The following LMX1B variants were observed in gnomAD, a reference collection of about 807,000 sequenced individuals.
LMX1B encodes the protein LIM homeobox transcription factor 1 beta, also known as LIM homeobox transcription factor 1-beta.
LMX1B carries 12 observed loss-of-function variants against 51.4 expected under a neutral mutation model. That is an observed-to-expected ratio of 0.23 (90% CI 0.15 to 0.38). The LOEUF is 0.38. Ranked by LOEUF, LMX1B falls within the 10% of genes least tolerant of loss-of-function variation. The pLI is 1.00. For synonymous variants in LMX1B, 237 were observed against 235.4 expected (o/e 1.01, Z -0.06); for missense variants, 445 against 571.1 (o/e 0.78, Z 2.25).
intron 2 of LMX1B, among the ~76,000 whole-genome samples, chr9:126,639,666 G>GC (rs1385228551): frequency 6.6e-6 from 1 of 152,178 alleles, no homozygotes; most frequent in African/African-American, 2.4e-5. Flanking sequence ...GTCTCCCCTG[G>GC]CCCTGCCTGT....
At chr9:126,634,603 C>A (rs10117942) in intron 2 of LMX1B, among the ~76,000 whole-genome samples, 4,544 of 77,280 alleles carry the variant, frequency 0.059, 226 homozygotes, top group African/African-American at 0.16. Context: ...GTTCTGCACA[C>A]CCCCCCCACA....
chr9:126,693,362 C>T (rs1189972911), intron 4 of LMX1B, 39 bp downstream of exon 4: 14 of 1,572,506 alleles, frequency 8.9e-6, no homozygotes, highest in East Asian at 4.7e-5. Context: ...GGCTGATGCC[C>T]GCACACCCAC....
In LMX1B at chr9:126,626,110, G is replaced by T. The variant is rs934561928; in HGVS notation, c.326+10541G>T. Among the ~76,000 whole-genome samples, 4 of 152,256 alleles carry T rather than the reference G, an allele frequency of 2.6e-5. No homozygotes were observed. Among genetic ancestry groups the T allele is most frequent in the Admixed American group, 2.6e-4 (4 of 15,292 alleles). ...GCTCCAGTCAGTGGAACCGGAGGGG[G>T]ACTTCGGAGGAATTTGTCTCTGATG... is the stretch of plus-strand genomic sequence containing the variant. On this transcript the variant is annotated intron_variant, in intron 2 of 7. Coordinates refer to ENST00000373474, the MANE Select transcript of LMX1B (RefSeq NM_001174147.2). This position sits in a 1 kb window ranked among gnomAD's most constrained non-coding sequence, Gnocchi z 4.3.
chr9:126,636,990 G>A (rs111344915), intron 2 of LMX1B, among the ~76,000 whole-genome samples: 125 of 152,350 alleles, frequency 8.2e-4, no homozygotes, highest in African/African-American at 2.7e-3. Context: ...CAAGAGGGTA[G>A]GCAGCGGTTG....
chr9:126,690,977 C>T lies in LMX1B; in HGVS notation c.468C>T (p.Phe156=), dbSNP rs759904268. 3.1e-6 allele frequency: 5 copies of T among 1,614,034 alleles called. No individual in the cohort carries two copies. The highest frequency in any genetic ancestry group is 1.1e-5 in the South Asian group (1 of 91,072). The change falls in exon 3 of 8, where the codon TTC becomes TTT. Residue 156 remains phenylalanine, a synonymous_variant. Coordinates refer to ENST00000373474, the MANE Select transcript of LMX1B (RefSeq NM_001174147.2). ...CERQLRKGDE[F]VLKEGQLLCK... ...GGCAGCTACGCAAGGGCGACGAATT[C>T]GTGCTCAAGGAGGGCCAGCTGCTGT...
rs2030222881 is a variant in LMX1B at position 126,693,619 on chromosome 9, AT to A, written c.819+19del. On this transcript the variant is annotated intron_variant, in intron 5 of 7. Transcript: ENST00000373474. Reference sequence around the variant, plus strand: ...GAGCAAAGGTAAGAGGCCACCCCCCATCCCCACTGGCCCCGGGTAGGGTGGG... The same window carrying A: ...GAGCAAAGGTAAGAGGCCACCCCCCACCCCACTGGCCCCGGGTAGGGTGGG... 1.9e-6 allele frequency: 3 copies of A among 1,613,400 alleles called. No homozygotes were observed. The highest frequency in any genetic ancestry group is 2.5e-6 in the Non-Finnish European group (3 of 1,179,534).
Position 126,615,643 on chromosome 9 carries a change from C to A in LMX1B, c.326+74C>A. 7.1e-7 allele frequency: 1 copy of A among 1,404,294 alleles called. No homozygotes were observed. The highest frequency in any genetic ancestry group is 1.3e-5 in the South Asian group (1 of 79,374). The allele number at this position is 1,404,294 out of a possible 1,614,324, so 87.0% of individuals were successfully genotyped here. On this transcript the variant is annotated intron_variant, in intron 2 of 7. Coordinates refer to ENST00000373474, the MANE Select transcript of LMX1B (RefSeq NM_001174147.2). This position sits in a 1 kb window ranked among gnomAD's most constrained non-coding sequence, Gnocchi z 6.0. ...CGGTCAGCCCCCTGCCGGGCCCGGC[C>A]CGCGCCCGCTCTGCCGCCGGCTCTG...
Position 126,671,233 on chromosome 9 carries a change from C to T in LMX1B, c.327-19603C>T, listed in dbSNP as rs565969596. ...GCTCTGAGCTGGGGGGAGGGGACCC[C>T]GCTCGGAAATCGGTCATAAATTTCT... is the stretch of plus-strand genomic sequence containing the variant. On this transcript the variant is annotated intron_variant, in intron 2 of 7. Transcript: ENST00000373474. The surrounding 1 kb of genome is among the most constrained non-coding windows in gnomAD (Gnocchi z 4.4). Among the ~76,000 whole-genome samples, 3 of 152,332 alleles carry T rather than the reference C, an allele frequency of 2.0e-5. No individual in the cohort carries two copies. The highest frequency in any genetic ancestry group is 3.9e-4 in the East Asian group (2 of 5,182).
At chr9:126,687,228 T>A (rs1045192351) in intron 2 of LMX1B, among the ~76,000 whole-genome samples, 1 of 151,546 alleles carries the variant, frequency 6.6e-6, no homozygotes, top group Non-Finnish European at 1.5e-5. Context: ...TTTTTTTTTT[T>A]ATTTTTTATA....
At chr9:126,644,791 C>G (rs543885897) in intron 2 of LMX1B, among the ~76,000 whole-genome samples, 1 of 152,180 alleles carries the variant, frequency 6.6e-6, no homozygotes, top group Non-Finnish European at 1.5e-5. Flanking sequence ...GGGGTTGAAG[C>G]TGATGGAAGT....
intron 2 of LMX1B, among the ~76,000 whole-genome samples, chr9:126,642,623 C>T (rs540330438): frequency 6.6e-6 from 1 of 152,346 alleles, no homozygotes; most frequent in South Asian, 2.1e-4. Context: ...GCCACCGTCT[C>T]CCTCACTGCA....
chr9:126,616,153 T>G (rs558904159), intron 2 of LMX1B, among the ~76,000 whole-genome samples: 44 of 152,128 alleles, frequency 2.9e-4, no homozygotes, highest in Admixed American at 1.5e-3. Context: ...GCACTTGCAG[T>G]TTTCTTTGGT....
chr9:126,661,226 AGC>A (rs1377123354), intron 2 of LMX1B, among the ~76,000 whole-genome samples: 1 of 125,244 alleles, frequency 8.0e-6, no homozygotes, highest in Admixed American at 8.8e-5. Flanking sequence ...CTCTCAGGCC[AGC>A]GTGGACGCCC....
chr9:126,616,333 G>A (rs1835302669), intron 2 of LMX1B, among the ~76,000 whole-genome samples: 1 of 152,236 alleles, frequency 6.6e-6, no homozygotes, highest in Admixed American at 6.5e-5. Flanking sequence ...CCAAACCTCA[G>A]GGCTGAGGCC....
intron 2 of LMX1B, among the ~76,000 whole-genome samples, chr9:126,665,560 G>A (rs1182485082): frequency 6.6e-6 from 1 of 152,252 alleles, no homozygotes; most frequent in African/African-American, 2.4e-5. Context: ...CCTCTTACCA[G>A]AGAAACAAAA....
Position 126,695,747 on chromosome 9 carries a change from G to A in LMX1B, c.887-92G>A. ...GCTTCAGCCAGAGTGGGGTGCCTGG[G>A]GAGTCCCAAGGAGATCAGAAGGGGA... On this transcript the variant is annotated intron_variant, in intron 6 of 7. Transcript: ENST00000373474. This position sits in a 1 kb window ranked among gnomAD's most constrained non-coding sequence, Gnocchi z 5.2. The A allele has an allele frequency of 2.7e-6, 4 of 1,455,442 alleles. No individual in the cohort carries two copies. The highest frequency in any genetic ancestry group is 2.5e-5 in the South Asian group (2 of 81,190). 90.2% of individuals were successfully genotyped at this position (1,455,442 alleles called of 1,614,324 possible).
Position 126,682,108 on chromosome 9 carries a change from T to TA in LMX1B, c.327-8727dup, listed in dbSNP as rs1554727664. The stretch of plus-strand genomic sequence containing the variant: ...CTTTTTTTTTTTTTTTTTTTTTTTT[T>TA]ATAGAGATGGGCTTTGGCCATTTTG... On this transcript the variant is annotated intron_variant, in intron 2 of 7. Coordinates refer to ENST00000373474, the MANE Select transcript of LMX1B (RefSeq NM_001174147.2). 1.3e-3 allele frequency among the ~76,000 whole-genome samples: 176 copies of TA among 139,010 alleles called. 1 individual carries two copies. Among genetic ancestry groups the TA allele is most frequent in the African/African-American group, 4.8e-3 (163 of 34,120 alleles). 91.2% of individuals were successfully genotyped at this position (139,010 alleles called of 152,430 possible).
At chr9:126,652,622 T>C (rs1418119791) in intron 2 of LMX1B, among the ~76,000 whole-genome samples, 1 of 152,230 alleles carries the variant, frequency 6.6e-6, no homozygotes, top group Admixed American at 6.5e-5. Flanking sequence ...TGTGTGTGTG[T>C]GGATGGGCAC....
intron 2 of LMX1B, among the ~76,000 whole-genome samples, chr9:126,674,914 A>G (rs1836525358): frequency 6.6e-6 from 1 of 152,210 alleles, no homozygotes; most frequent in Admixed American, 6.5e-5. Flanking sequence ...AAACCTTTCA[A>G]TGACTTCCCC....
Sources: gnomAD v4.1 joint callset for allele counts (sites outside exome capture counted in the v4.1 genomes callset) on GRCh38, gnomAD v4.1.1 for gene constraint, Gnocchi (gnomAD v3.1) non-coding constraint, MANE v1.5 for transcripts, NCBI Gene and HGNC (gene_info 2026-07-23, HGNC 2026-07-21) for gene names.